The following RAPGEF5 variants were observed in gnomAD, a reference collection of about 807,000 sequenced individuals.
RAPGEF5 encodes Rap guanine nucleotide exchange factor 5.
In RAPGEF5, 65 loss-of-function variants were observed where a neutral mutation model predicts 125.2. That is an observed-to-expected ratio of 0.52 (90% CI 0.43 to 0.64). The LOEUF (loss-of-function observed/expected upper bound fraction) is 0.64, where lower values mean the gene tolerates loss of function less well. Among genes scored for constraint, RAPGEF5 ranks in the 30% least tolerant of loss-of-function variants. RAPGEF5 has a pLI of 0.00. For missense variants in RAPGEF5, 958 were observed against 1,048.1 expected, an observed-to-expected ratio of 0.91 and a Z score of 1.19; for synonymous variants, 391 against 385.9, an observed-to-expected ratio of 1.01 and a Z score of -0.16.
chr7:22,355,327 T>A (rs1263022996), intron 1 of RAPGEF5, among the ~76,000 whole-genome samples: 1 of 152,164 alleles, frequency 6.6e-6, no homozygotes, highest in East Asian at 1.9e-4. Flanking sequence ...ATAGATCTAT[T>A]TATACAGAAA....
At chr7:22,179,027 C>A (rs1326794723) in intron 11 of RAPGEF5, among the ~76,000 whole-genome samples, 1 of 152,126 alleles carries the variant, frequency 6.6e-6, no homozygotes, top group Non-Finnish European at 1.5e-5. Context: ...GTGATTAAAA[C>A]CAAATACTAA....
intron 18 of RAPGEF5, among the ~76,000 whole-genome samples, chr7:22,147,756 G>C (rs977995619): frequency 6.6e-6 from 1 of 152,124 alleles, no homozygotes; most frequent in African/African-American, 2.4e-5. Flanking sequence ...TTCCAAAATA[G>C]TTGATGTTTT....
In RAPGEF5 at chr7:22,145,148, C is replaced by G; in HGVS notation, c.2082G>C (p.Gln694His). The G allele has an allele frequency of 6.2e-7, 1 of 1,613,768 alleles. No homozygotes were observed. The highest frequency in any genetic ancestry group is 2.2e-5 in the East Asian group (1 of 44,854). Residue 694 changes from glutamine (Q) to histidine (H), a missense_variant, in exon 20 of 26, where the codon CAG (glutamine) becomes CAC (histidine). Gln to His is a conservative substitution (Grantham distance 24). Coordinates refer to ENST00000665637, the MANE Select transcript of RAPGEF5 (RefSeq NM_012294.5). ...CCCAAAGCTGGACCTCATTGCATCT[C>G]TGGAGCAGAAGGCTGAGATTTGCAG... ...EHTANLSLLL[Q>H]RCNEVQLWVA...
intron 6 of RAPGEF5, among the ~76,000 whole-genome samples, chr7:22,270,522 G>A (rs2128142595): frequency 2.0e-5 from 3 of 152,320 alleles, no homozygotes; most frequent in Middle Eastern, 3.4e-3. Context: ...TTAGGCTTGA[G>A]AAATGTACCA....
chr7:22,263,495 AG>A (rs1400155445), intron 7 of RAPGEF5, among the ~76,000 whole-genome samples: 5 of 152,116 alleles, frequency 3.3e-5, no homozygotes, highest in Admixed American at 3.3e-4. Context: ...TTTGGGAGAC[AG>A]AGACGGGTGG....
intron 6 of RAPGEF5, among the ~76,000 whole-genome samples, chr7:22,279,059 C>G (rs1385600578): frequency 1.3e-5 from 2 of 152,120 alleles, no homozygotes; most frequent in Non-Finnish European, 2.9e-5. Flanking sequence ...CCACTGAAAC[C>G]TGCTACTCAT....
Position 22,132,395 on chromosome 7 carries a change from T to G in RAPGEF5, c.2417-1294A>C, listed in dbSNP as rs1297967985. On this transcript the variant is annotated intron_variant, in intron 23 of 25. Coordinates refer to ENST00000665637, the MANE Select transcript of RAPGEF5 (RefSeq NM_012294.5). ...TTTCCTCTCTTTTTTTTTTTTTGCT[T>G]GTAAACTGATGTCCTAGTAGGAAAA... Among the ~76,000 whole-genome samples the G allele has an allele frequency of 2.0e-5, 3 of 151,986 alleles. No individual in the cohort carries two copies. The East Asian group carries it at 5.8e-4, about 29-fold the overall frequency.
At chr7:22,199,652 T>C (rs1407158436) in intron 9 of RAPGEF5, among the ~76,000 whole-genome samples, 1 of 150,844 alleles carries the variant, frequency 6.6e-6, no homozygotes, top group Non-Finnish European at 1.5e-5. Context: ...CTGAGAAATA[T>C]GTCCTGAGAG....
intron 9 of RAPGEF5, among the ~76,000 whole-genome samples, chr7:22,214,018 T>A (rs1259817013): frequency 6.6e-6 from 1 of 152,208 alleles, no homozygotes; most frequent in Non-Finnish European, 1.5e-5. Context: ...AGACCAACTT[T>A]TAATATGTAA....
chr7:22,148,788 C>A (rs1341478177), intron 18 of RAPGEF5, among the ~76,000 whole-genome samples: 1 of 152,136 alleles, frequency 6.6e-6, no homozygotes, highest in South Asian at 2.1e-4. Flanking sequence ...GAGAAGGCCA[C>A]GTATGGGTGG....
At chr7:22,159,220 A>C (rs1460265424) in intron 14 of RAPGEF5, among the ~76,000 whole-genome samples, 1 of 152,224 alleles carries the variant, frequency 6.6e-6, no homozygotes, top group Non-Finnish European at 1.5e-5. Flanking sequence ...GAAACATAAC[A>C]TAATGTAGAC....
rs747755151 is a variant in RAPGEF5, at chr7:22,193,491, G to T, written c.1116-36C>A. The T allele has an allele frequency of 5.7e-6, 9 of 1,566,246 alleles. No individual in the cohort carries two copies. In the South Asian group the frequency reaches 9.4e-5, roughly 16 times the overall value. ...GCAGAGAGTCCACTGAGTCATCCTC[G>T]GTGGAAGACTGCGAGCGGCTGCTCC... On this transcript the variant is annotated intron_variant, in intron 10 of 25. Coordinates refer to ENST00000665637, the MANE Select transcript of RAPGEF5 (RefSeq NM_012294.5).
intron 8 of RAPGEF5, among the ~76,000 whole-genome samples, chr7:22,220,857 T>C (rs1785768931): frequency 6.6e-6 from 1 of 152,162 alleles, no homozygotes; most frequent in Admixed American, 6.5e-5. Flanking sequence ...CAGTCAAAAC[T>C]ATGGAATCCG....
At chr7:22,244,646 A>G (rs140426647) in intron 7 of RAPGEF5, among the ~76,000 whole-genome samples, 36 of 152,242 alleles carry the variant, frequency 2.4e-4, no homozygotes, top group Admixed American at 2.4e-3. Flanking sequence ...ATATATTACA[A>G]TGTAATAATA....
intron 17 of RAPGEF5, 106 bp downstream of exon 17, chr7:22,154,349 G>A (rs769239708): frequency 5.5e-6 from 7 of 1,282,932 alleles, no homozygotes; most frequent in Admixed American, 2.5e-5. Flanking sequence ...ATCCAGCTGC[G>A]GGCCCAGAAG....
At chr7:22,237,376 G>C (rs1390980609) in intron 7 of RAPGEF5, among the ~76,000 whole-genome samples, 1 of 133,792 alleles carries the variant, frequency 7.5e-6, no homozygotes, top group Non-Finnish European at 1.6e-5. Flanking sequence ...TTTTTTTTTT[G>C]GATAAACATA....
chr7:22,343,576 A>G (rs1784168637), intron 1 of RAPGEF5, among the ~76,000 whole-genome samples: 1 of 152,192 alleles, frequency 6.6e-6, no homozygotes, highest in Non-Finnish European at 1.5e-5. Context: ...ATTTCAATAT[A>G]AAAGAACTAA....
rs113318977 is a variant in RAPGEF5 at position 22,119,731 on chromosome 7, C to G, written c.*2675G>C. 3 of 152,142 alleles carry G rather than the reference C, an allele frequency of 2.0e-5. No homozygotes were observed. Among genetic ancestry groups the G allele is most frequent in the South Asian group, 2.1e-4 (1 of 4,826 alleles). 9.4% of individuals were successfully genotyped at this position (152,142 alleles called of 1,614,324 possible). A position where few individuals can be genotyped will look rare whatever the true frequency, so the allele number is the denominator to read the frequency against. On this transcript the variant is annotated 3_prime_UTR_variant, in exon 26 of 26. Transcript: ENST00000665637. The surrounding 1 kb of genome is among the most constrained non-coding windows in gnomAD (Gnocchi z 4.1). ...GATTACGTAAGATTTGCAGAGTGAGCGAAGATTTTATGCAATAATAAAACT... is the reference window on the plus strand; with the variant it reads ...GATTACGTAAGATTTGCAGAGTGAGGGAAGATTTTATGCAATAATAAAACT...
intron 25 of RAPGEF5, 39 bp downstream of exon 25, chr7:22,125,565 G>T (rs754378658): frequency 1.3e-6 from 2 of 1,560,308 alleles, no homozygotes; most frequent in South Asian, 1.1e-5. Flanking sequence ...TACCAACGTA[G>T]AGTCAATTTA....
Sources: gnomAD v4.1 joint callset for allele counts (sites outside exome capture counted in the v4.1 genomes callset) on GRCh38, gnomAD v4.1.1 for gene constraint, Gnocchi (gnomAD v3.1) non-coding constraint, MANE v1.5 for transcripts, NCBI Gene and HGNC (gene_info 2026-07-23, HGNC 2026-07-21) for gene names.